The following INPP4B variants were observed in gnomAD, a reference collection of about 807,000 sequenced individuals.
INPP4B encodes the protein inositol polyphosphate 4-phosphatase type II.
Under a neutral mutation model 122.5 loss-of-function variants are expected in INPP4B, and 55 were observed. That is an observed-to-expected ratio of 0.45 (90% CI 0.36 to 0.56). INPP4B has a LOEUF of 0.56. Ranked by LOEUF, INPP4B falls within the 20% of genes least tolerant of loss-of-function variation. The pLI is 0.00. For missense variants in INPP4B, 1,000 were observed against 1,097.7 expected, an observed-to-expected ratio of 0.91 and a Z score of 1.26; for synonymous variants, 403 against 388.7, an observed-to-expected ratio of 1.04 and a Z score of -0.43.
chr4:142,059,545 C>G (rs1759509360), intron 25 of INPP4B, among the ~76,000 whole-genome samples: 1 of 152,090 alleles, frequency 6.6e-6, no homozygotes, highest in African/African-American at 2.4e-5. Context: ...AAGCACTGTG[C>G]TTGGTAAATA....
intron 7 of INPP4B, among the ~76,000 whole-genome samples, chr4:142,382,102 A>C (rs1429792989): frequency 6.6e-6 from 1 of 152,218 alleles, no homozygotes; most frequent in Admixed American, 6.6e-5. Context: ...GATTTTATTT[A>C]AAATTATGTT....
intron 5 of INPP4B, among the ~76,000 whole-genome samples, chr4:142,420,591 C>G (rs1187461877): frequency 6.6e-6 from 1 of 152,028 alleles, no homozygotes; most frequent in Non-Finnish European, 1.5e-5. Context: ...TCATGTAGGC[C>G]TTAGATAACC....
At chr4:142,838,491 G>C (rs1783095701) in intron 1 of INPP4B, among the ~76,000 whole-genome samples, 1 of 151,834 alleles carries the variant, frequency 6.6e-6, no homozygotes, top group Non-Finnish European at 1.5e-5. Flanking sequence ...AAAAGGATAT[G>C]AATAGCATGA....
intron 5 of INPP4B, among the ~76,000 whole-genome samples, chr4:142,428,319 T>A (rs1332945275): frequency 6.6e-6 from 1 of 151,248 alleles, no homozygotes; most frequent in East Asian, 1.9e-4. Flanking sequence ...GATACTATAA[T>A]ACTATATGTG....
intron 2 of INPP4B, among the ~76,000 whole-genome samples, chr4:142,523,735 C>T (rs2149939289): frequency 6.6e-6 from 1 of 150,732 alleles, no homozygotes; most frequent in South Asian, 2.1e-4. Context: ...TATACATGTG[C>T]CACGCTGGTG....
intron 15 of INPP4B, among the ~76,000 whole-genome samples, chr4:142,175,386 A>C: frequency 6.6e-6 from 1 of 152,146 alleles, no homozygotes; most frequent in South Asian, 2.1e-4. Flanking sequence ...ACATATAATG[A>C]ATATTCCTCC....
intron 16 of INPP4B, 106 bp from the exon 17 acceptor site, chr4:142,160,667 T>C: frequency 1.4e-6 from 1 of 723,516 alleles, no homozygotes; most frequent in South Asian, 2.5e-5. Flanking sequence ...GTGTGTATGG[T>C]GGAAAAAGTA....
intron 2 of INPP4B, among the ~76,000 whole-genome samples, chr4:142,564,223 G>A (rs1323876217): frequency 6.6e-6 from 1 of 152,126 alleles, no homozygotes; most frequent in Non-Finnish European, 1.5e-5. Context: ...TGTGTAATGT[G>A]AGGCTTGCAG....
chr4:142,453,407 G>A (rs924311565), intron 3 of INPP4B, among the ~76,000 whole-genome samples: 4 of 152,106 alleles, frequency 2.6e-5, no homozygotes, highest in East Asian at 1.9e-4. Flanking sequence ...GTTCAAATTA[G>A]TATTGACTAA....
chr4:142,048,334 C>T (rs1046805731), intron 25 of INPP4B, among the ~76,000 whole-genome samples: 1 of 152,062 alleles, frequency 6.6e-6, no homozygotes, highest in African/African-American at 2.4e-5. Context: ...CAACACTCAG[C>T]ATAATTGGAG....
chr4:142,744,035 C>CA (rs1768287855), intron 1 of INPP4B, among the ~76,000 whole-genome samples: 1 of 151,588 alleles, frequency 6.6e-6, no homozygotes, highest in South Asian at 2.1e-4. Context: ...TAAACATATT[C>CA]AAAAAACCAA....
At chr4:142,382,403 G>A (rs78530439) in intron 7 of INPP4B, among the ~76,000 whole-genome samples, 29,272 of 151,060 alleles carry the variant, frequency 0.19, 3,684 homozygotes, top group African/African-American at 0.36. Flanking sequence ...CAGCTACTCA[G>A]GAGGCTGAGG....
chr4:142,268,624 A>C (rs916451277), intron 10 of INPP4B, among the ~76,000 whole-genome samples: 1 of 152,152 alleles, frequency 6.6e-6, no homozygotes, highest in African/African-American at 2.4e-5. Context: ...CATCAGATGA[A>C]TGGAAAAAGG....
intron 2 of INPP4B, among the ~76,000 whole-genome samples, chr4:142,632,922 A>G (rs984294155): frequency 1.3e-5 from 2 of 151,764 alleles, no homozygotes; most frequent in Non-Finnish European, 2.9e-5. Flanking sequence ...GATTTGAAAA[A>G]AAAATTTTAA....
chr4:142,087,143 A>G (rs1406778847), intron 23 of INPP4B, among the ~76,000 whole-genome samples: 5 of 152,200 alleles, frequency 3.3e-5, no homozygotes, highest in African/African-American at 1.2e-4. Flanking sequence ...TTCGCATGCC[A>G]GTAGCAGCTT....
chr4:142,487,600 A>G (rs763556076), intron 2 of INPP4B, among the ~76,000 whole-genome samples: 6 of 152,148 alleles, frequency 3.9e-5, no homozygotes, highest in Admixed American at 2.6e-4. Context: ...TGAAATAAAA[A>G]TCTTAAATTC....
chr4:142,429,249 A>T (rs369481073), intron 4 of INPP4B, 32 bp from the exon 5 acceptor site: 10 of 1,225,470 alleles, frequency 8.2e-6, no homozygotes, highest in African/African-American at 6.1e-5. Flanking sequence ...TCAGATTTTT[A>T]AAAAATTGAA....
intron 25 of INPP4B, among the ~76,000 whole-genome samples, chr4:142,068,443 C>T (rs887974496): frequency 6.6e-6 from 1 of 152,156 alleles, no homozygotes; most frequent in African/African-American, 2.4e-5. Flanking sequence ...AAATAACCAG[C>T]TAACATCATA....
At chr4:142,429,320 A>G in intron 4 of INPP4B, 103 bp from the exon 5 acceptor site, 1 of 619,502 alleles carries the variant, frequency 1.6e-6, no homozygotes, top group South Asian at 2.2e-5. Context: ...GAATAAAGAC[A>G]GTATTTGGCA....
Sources: gnomAD v4.1 joint callset for allele counts (sites outside exome capture counted in the v4.1 genomes callset) on GRCh38, gnomAD v4.1.1 for gene constraint, MANE v1.5 for transcripts, NCBI Gene and HGNC (gene_info 2026-07-23, HGNC 2026-07-21) for gene names.